The following VAV3 variants were observed in gnomAD, a reference collection of about 807,000 sequenced individuals.
The protein encoded by VAV3 is vav guanine nucleotide exchange factor 3.
Under a neutral mutation model 131.2 loss-of-function variants are expected in VAV3, and 94 were observed. The observed-to-expected ratio is 0.72, with a 90% CI of 0.61 to 0.85. The LOEUF (loss-of-function observed/expected upper bound fraction) is 0.85. Ranked by LOEUF, VAV3 falls within the 40% of genes least tolerant of loss-of-function variation. The pLI, the probability that VAV3 is intolerant of heterozygous loss-of-function variation, is 0.00. For missense variants in VAV3, 939 were observed against 1,002.7 expected, an observed-to-expected ratio of 0.94 and a Z score of 0.86; for synonymous variants, 349 against 342.0, an observed-to-expected ratio of 1.02 and a Z score of -0.22.
rs764955911 is a variant in VAV3 at position 107,573,324 on chromosome 1, T to C, written c.*7A>G. The C allele has an allele frequency of 1.2e-5, 20 of 1,613,974 alleles. No homozygotes were observed. In the South Asian group the frequency reaches 2.0e-4, roughly 16 times the overall value. ...TTTTGGTGCAGGGTGCAACACGGGA[T>C]TTGAATTTATTCATCCTCTTCCACA... is the stretch of plus-strand genomic sequence containing the variant. On this transcript the variant is annotated 3_prime_UTR_variant, in exon 27 of 27. Transcript: ENST00000370056.
chr1:107,658,074 C>G (rs1490056608), intron 19 of VAV3, among the ~76,000 whole-genome samples: 2 of 152,158 alleles, frequency 1.3e-5, no homozygotes, highest in African/African-American at 4.8e-5. Flanking sequence ...ATATCTCTTT[C>G]TAATGAAAGA....
rs1673880794 is a variant in VAV3, at chr1:107,939,480, A to C, written c.204+25186T>G. Among the ~76,000 whole-genome samples the C allele has an allele frequency of 2.0e-5, 3 of 152,310 alleles. No homozygotes were observed. The South Asian group carries it at 6.2e-4, about 32-fold the overall frequency. ...ACAGCGGCAGCAAGCAAAACCTCCC[A>C]GTCAGCCAAGTGATCATGAGGGTAA... On this transcript the variant is annotated intron_variant, in intron 1 of 26. Coordinates refer to ENST00000370056, the MANE Select transcript of VAV3 (RefSeq NM_006113.5).
chr1:107,878,436 A>C (rs345288), intron 1 of VAV3, among the ~76,000 whole-genome samples: 130,368 of 152,132 alleles, frequency 0.86, 56,059 homozygotes, highest in African/African-American at 0.92. Context: ...ATCTAAAAAT[A>C]CTTTTGCCTT....
intron 1 of VAV3, among the ~76,000 whole-genome samples, chr1:107,877,625 C>T (rs1670566558): frequency 6.6e-6 from 1 of 152,166 alleles, no homozygotes; most frequent in African/African-American, 2.4e-5. Flanking sequence ...CTAAATTCCA[C>T]AAATATTTAC....
intron 2 of VAV3, among the ~76,000 whole-genome samples, chr1:107,869,978 T>C (rs1302528703): frequency 1.3e-5 from 2 of 152,204 alleles, no homozygotes; most frequent in Non-Finnish European, 2.9e-5. Flanking sequence ...CATTAATTCA[T>C]TCCTTTGTAT....
chr1:107,663,512 G>A (rs1657190280), intron 19 of VAV3, among the ~76,000 whole-genome samples: 1 of 152,056 alleles, frequency 6.6e-6, no homozygotes, highest in South Asian at 2.1e-4. Context: ...AAAAAAAATG[G>A]TTTGATAAGC....
intron 15 of VAV3, among the ~76,000 whole-genome samples, chr1:107,726,363 T>C (rs11185171): frequency 0.33 from 50,852 of 152,092 alleles, 9,133 homozygotes; most frequent in Non-Finnish European, 0.39. Flanking sequence ...GAAAGTCCTC[T>C]GTGCTCCGGC....
At position 107,795,247 on chromosome 1, in the gene VAV3, T is replaced by C. The variant is rs72981442; in HGVS notation, c.322-15755A>G. Among the ~76,000 whole-genome samples the C allele has an allele frequency of 8.9e-3, 1,360 of 152,346 alleles. 22 individuals are homozygous for C. Among genetic ancestry groups the C allele is most frequent in the African/African-American group, 0.031 (1,303 of 41,576 alleles). ...TCCTGAATGAAGAAATATTTTTAAA[T>C]GGACGAAGTTACCAAGATAACTAGC... On this transcript the variant is annotated intron_variant, in intron 2 of 26. Transcript: ENST00000370056.
At chr1:107,724,827 T>C (rs1485873003) in intron 15 of VAV3, among the ~76,000 whole-genome samples, 1 of 149,716 alleles carries the variant, frequency 6.7e-6, no homozygotes, top group Admixed American at 6.7e-5. Flanking sequence ...ACACTGGATG[T>C]GGTGGGGGGA....
Position 107,763,836 on chromosome 1 carries a change from C to T in VAV3, c.921+1240G>A, listed in dbSNP as rs529869155. Among the ~76,000 whole-genome samples the T allele has an allele frequency of 3.9e-5, 6 of 151,928 alleles. No individual in the cohort carries two copies. In the South Asian group the frequency reaches 1.2e-3, roughly 31 times the overall value. On this transcript the variant is annotated intron_variant, in intron 9 of 26. Coordinates refer to ENST00000370056, the MANE Select transcript of VAV3 (RefSeq NM_006113.5). Reference sequence around the variant, plus strand: ...GCCAGAGAGGCAAAACAGTGAAGGGCTTCTGATTTGAAAATCACCTGCCCC... The same window carrying T: ...GCCAGAGAGGCAAAACAGTGAAGGGTTTCTGATTTGAAAATCACCTGCCCC...
At chr1:107,790,978 A>G (rs1199850318) in intron 2 of VAV3, among the ~76,000 whole-genome samples, 1 of 151,958 alleles carries the variant, frequency 6.6e-6, no homozygotes, top group Non-Finnish European at 1.5e-5. Context: ...GAGCCACTGC[A>G]CCTGGCCCCT....
chr1:107,683,792 A>G (rs770317227), intron 18 of VAV3, among the ~76,000 whole-genome samples: 7 of 152,170 alleles, frequency 4.6e-5, no homozygotes, highest in Non-Finnish European at 8.8e-5. Context: ...TTGGTTGCCA[A>G]CTCCAAATAT....
chr1:107,777,670 C>T (rs1294874564), intron 3 of VAV3: 2 of 216,656 alleles, frequency 9.2e-6, no homozygotes, highest in African/African-American at 4.6e-5. Context: ...GTGCATGTAC[C>T]CTTGCCTTCA....
At chr1:107,647,877 A>G (rs1655851935) in intron 19 of VAV3, among the ~76,000 whole-genome samples, 1 of 152,100 alleles carries the variant, frequency 6.6e-6, no homozygotes, top group Non-Finnish European at 1.5e-5. Flanking sequence ...TCTAAGAATC[A>G]GGTCCTAAGA....
At chr1:107,665,284 G>A (rs1657333478) in intron 19 of VAV3, among the ~76,000 whole-genome samples, 1 of 152,182 alleles carries the variant, frequency 6.6e-6, no homozygotes, top group South Asian at 2.1e-4. Flanking sequence ...GTTCATGTCA[G>A]GCTGGACAAC....
chr1:107,859,276 A>G (rs906483239), intron 2 of VAV3, among the ~76,000 whole-genome samples: 1 of 151,902 alleles, frequency 6.6e-6, no homozygotes, highest in African/African-American at 2.4e-5. Flanking sequence ...TCACTATGTT[A>G]CCCAGGCTGG....
At chr1:107,834,257 A>T (rs1340913507) in intron 2 of VAV3, among the ~76,000 whole-genome samples, 1 of 152,162 alleles carries the variant, frequency 6.6e-6, no homozygotes, top group African/African-American at 2.4e-5. Flanking sequence ...ATTATTCCAA[A>T]ACCACATATA....
intron 1 of VAV3, among the ~76,000 whole-genome samples, chr1:107,931,157 A>G (rs1454688170): frequency 6.6e-6 from 1 of 152,158 alleles, no homozygotes; most frequent in Non-Finnish European, 1.5e-5. Flanking sequence ...ATTTTGAGAC[A>G]ATCTAAGAAA....
chr1:107,814,304 C>T (rs184713278), intron 2 of VAV3, among the ~76,000 whole-genome samples: 9 of 152,230 alleles, frequency 5.9e-5, no homozygotes, highest in Admixed American at 5.2e-4. Context: ...ACATTCTCGC[C>T]AGCACCCATT....
Sources: allele counts gnomAD v4.1 joint callset (sites outside exome capture counted in the v4.1 genomes callset), GRCh38; gene constraint gnomAD v4.1.1; transcripts MANE v1.5; gene names NCBI Gene and HGNC (gene_info 2026-07-23, HGNC 2026-07-21).